Variants in MANEA observed in about 807,000 individuals in gnomAD.
MANEA encodes the protein glycoprotein endo-alpha-1,2-mannosidase.
MANEA carries 25 observed loss-of-function variants against 36.8 expected under a neutral mutation model. The ratio of observed to expected loss-of-function variants is 0.68; its 90% CI spans 0.50 to 0.95. The LOEUF (loss-of-function observed/expected upper bound fraction) is 0.95, where lower values mean the gene tolerates loss of function less well. MANEA is among the 40% of genes least tolerant of loss of function. The pLI, the probability that MANEA is intolerant of heterozygous loss-of-function variation, is 0.00. For synonymous variants in MANEA, 198 were observed against 188.5 expected (o/e 1.05, Z -0.41); for missense variants, 565 against 558.8 (o/e 1.01, Z -0.11).
At chr6:95,595,990 T>C (rs956182460) in intron 2 of MANEA, among the ~76,000 whole-genome samples, 2 of 152,162 alleles carry the variant, frequency 1.3e-5, no homozygotes, top group Non-Finnish European at 2.9e-5. Flanking sequence ...ATAAATACAA[T>C]GGCATATTAT....
chr6:95,598,746 T>A (rs746016741), intron 3 of MANEA, among the ~76,000 whole-genome samples: 9 of 152,038 alleles, frequency 5.9e-5, no homozygotes, highest in Non-Finnish European at 1.0e-4. Context: ...ACTTCCAAAT[T>A]TATTCCACAA....
chr6:95,599,561 A>T (rs945894796), intron 3 of MANEA, among the ~76,000 whole-genome samples: 2 of 152,220 alleles, frequency 1.3e-5, no homozygotes, highest in African/African-American at 4.8e-5. Flanking sequence ...GGTTTGTCCA[A>T]TACTGGTAAT....
intron 2 of MANEA, among the ~76,000 whole-genome samples, chr6:95,593,748 A>G (rs1769431980): frequency 1.3e-5 from 2 of 152,026 alleles, no homozygotes; most frequent in Non-Finnish European, 2.9e-5. Context: ...AGATGATAGT[A>G]TAAAGATGGA....
intron 2 of MANEA, chr6:95,587,188 A>C (rs1769305618): frequency 2.1e-6 from 1 of 486,472 alleles, no homozygotes; most frequent in South Asian, 4.9e-5. Flanking sequence ...TTTAATTTTT[A>C]CATTTTGGAG....
In MANEA at chr6:95,606,179, C is replaced by G. The variant is rs1236497370; in HGVS notation, c.1163C>G (p.Ala388Gly). ...NGKYYEIGLS[A>G]ALQTRPSLIS... ...AAGTATTATGAAATTGGTCTGAGTG[C>G]CGCACTTCAGACACGCCCCAGCTTA... The change falls in exon 5 of 5, where the codon GCC (alanine) becomes GGC (glycine). Residue 388 changes from alanine (A) to glycine (G), a missense_variant. By Grantham distance (60) the Ala-to-Gly change is moderately conservative. Transcript: ENST00000358812. The G allele has an allele frequency of 6.2e-7, 1 of 1,613,878 alleles. No individual in the cohort carries two copies. The highest frequency in any genetic ancestry group is 8.5e-7 in the Non-Finnish European group (1 of 1,179,952).
chr6:95,601,235 A>G (rs1243173116), intron 3 of MANEA, among the ~76,000 whole-genome samples: 2 of 152,180 alleles, frequency 1.3e-5, no homozygotes, highest in African/African-American at 2.4e-5. Flanking sequence ...TCCTTCCTCT[A>G]TATCCTGCAC....
Position 95,605,950 on chromosome 6 carries a change from AT to A in MANEA, c.936del (p.Leu313PhefsTer29). The A allele has an allele frequency of 1.2e-6, 2 of 1,613,002 alleles. No homozygotes were observed. The highest frequency in any genetic ancestry group is 1.1e-5 in the South Asian group (1 of 91,054). ...LLVEEKHKYD[I>X]LQSGFDGIYT... ...GGTAGAAGAAAAACATAAGTATGAT[AT>A]TCTTCAAAGTGGTTTTGATGGAATT... On this transcript the variant is annotated frameshift_variant, in exon 5 of 5. Transcript: ENST00000358812. LOFTEE classifies it high-confidence loss of function.
chr6:95,578,966 G>A (rs1769127431), intron 1 of MANEA, among the ~76,000 whole-genome samples: 1 of 152,190 alleles, frequency 6.6e-6, no homozygotes, highest in African/African-American at 2.4e-5. Context: ...GACTCGATCT[G>A]CTCCTTGCTA....
chr6:95,588,254 A>T (rs1050594518), intron 2 of MANEA: 1 of 152,082 alleles, frequency 6.6e-6, no homozygotes, highest in Non-Finnish European at 1.5e-5. Context: ...TTCCAGCTCT[A>T]CATAAAGGTA....
At chr6:95,589,628 A>G (rs1769350067) in intron 2 of MANEA, among the ~76,000 whole-genome samples, 1 of 152,148 alleles carries the variant, frequency 6.6e-6, no homozygotes, top group Admixed American at 6.5e-5. Flanking sequence ...AAGTCTTTTA[A>G]GTAAAATATT....
In MANEA at chr6:95,608,892, A is replaced by T. The variant is rs1769767587; in HGVS notation, c.*2487A>T. 1 of 151,022 alleles carries T rather than the reference A, an allele frequency of 6.6e-6. No individual in the cohort carries two copies. Among genetic ancestry groups the T allele is most frequent in the Non-Finnish European group, 1.5e-5 (1 of 67,496 alleles). The allele number at this position is 151,022 out of a possible 1,614,324, so 9.4% of individuals were successfully genotyped here. A position where few individuals can be genotyped will look rare whatever the true frequency, so the allele number is the denominator to read the frequency against. On this transcript the variant is annotated 3_prime_UTR_variant, in exon 5 of 5. Coordinates refer to ENST00000358812, the MANE Select transcript of MANEA (RefSeq NM_024641.4). ...ACCATACTGGTTAGTGAATAATTAC[A>T]TGAAAAAAAAGAGTCTGTACATCTT...
At chr6:95,577,724 G>C (rs1769095025) in intron 1 of MANEA, 86 bp downstream of exon 1, 1 of 152,272 alleles carries the variant, frequency 6.6e-6, no homozygotes, top group South Asian at 2.1e-4. Context: ...GCGCCTGCGC[G>C]CTCGCCCGCC....
chr6:95,595,528 G>A (rs986144438), intron 2 of MANEA, among the ~76,000 whole-genome samples: 4 of 152,002 alleles, frequency 2.6e-5, no homozygotes, highest in Non-Finnish European at 5.9e-5. Context: ...TGTACATGGC[G>A]GCTAGCACAA....
chr6:95,598,094 T>C (rs938269193), intron 3 of MANEA, among the ~76,000 whole-genome samples: 1 of 152,094 alleles, frequency 6.6e-6, no homozygotes, highest in African/African-American at 2.4e-5. Flanking sequence ...TTGACTATCC[T>C]AGAAAAAAAC....
Position 95,604,908 on chromosome 6 carries a change from GTTTC to G in MANEA, c.731+8_731+11del, listed in dbSNP as rs1295585161. The G allele has an allele frequency of 8.6e-7, 1 of 1,168,154 alleles. No homozygotes were observed. The highest frequency in any genetic ancestry group is 1.6e-5 in the African/African-American group (1 of 62,742). The allele number at this position is 1,168,154 out of a possible 1,614,324, so 72.4% of individuals were successfully genotyped here. ...TGTCAAGTATATTATAGACAAGTGA[GTTTC>G]TTCAATATTTATAAATATTGTTATA... On this transcript the variant is annotated splice_donor_region_variant and intron_variant, in intron 4 of 4. Coordinates refer to ENST00000358812, the MANE Select transcript of MANEA (RefSeq NM_024641.4).
intron 2 of MANEA, among the ~76,000 whole-genome samples, chr6:95,594,075 A>C (rs1448010251): frequency 6.6e-6 from 1 of 152,070 alleles, no homozygotes; most frequent in Non-Finnish European, 1.5e-5. Context: ...AAAAAAAGCA[A>C]AAGCTCATGT....
At chr6:95,597,381 T>C (rs1457230605) in intron 3 of MANEA, among the ~76,000 whole-genome samples, 1 of 152,056 alleles carries the variant, frequency 6.6e-6, no homozygotes, top group South Asian at 2.1e-4. Context: ...AGATTTTATT[T>C]CTTTTAGAAA....
chr6:95,585,200 TTAATA>T (rs1293065421), intron 1 of MANEA, among the ~76,000 whole-genome samples: 7 of 152,146 alleles, frequency 4.6e-5, no homozygotes, highest in Admixed American at 3.3e-4. Context: ...AAGCACTGCA[TTAATA>T]TATGTCCATA....
intron 1 of MANEA, among the ~76,000 whole-genome samples, chr6:95,582,372 A>G (rs1200676380): frequency 6.6e-6 from 1 of 151,748 alleles, no homozygotes; most frequent in Admixed American, 6.6e-5. Flanking sequence ...TTTAGTAGAG[A>G]TGGAGTTTCA....
Sources: gnomAD v4.1 joint callset for allele counts (sites outside exome capture counted in the v4.1 genomes callset) on GRCh38, gnomAD v4.1.1 for gene constraint, MANE v1.5 for transcripts, NCBI Gene and HGNC (gene_info 2026-07-23, HGNC 2026-07-21) for gene names.